Variants in MYO7B observed in about 807,000 individuals in gnomAD.
MYO7B encodes myosin VIIB, also known as unconventional myosin-VIIb.
MYO7B carries 212 observed loss-of-function variants against 259.7 expected under a neutral mutation model. The observed-to-expected ratio is 0.82, with a 90% CI of 0.73 to 0.91. The LOEUF (loss-of-function observed/expected upper bound fraction) is 0.91. Among genes scored for constraint, MYO7B ranks in the 40% least tolerant of loss-of-function variants. The probability of loss-of-function intolerance (pLI) is 0.00; values close to 1 mark genes in which losing one functional copy is unlikely to be tolerated. For missense variants in MYO7B, 2,732 were observed against 2,813.5 expected (o/e 0.97, Z 0.66); for synonymous variants, 1,197 against 1,166.4 (o/e 1.03, Z -0.54).
Position 127,621,253 on chromosome 2 carries a change from ATT to A in MYO7B, c.3526-719_3526-718del, listed in dbSNP as rs11291906. ...TGTTGGGGACATGGACTCTTCTGCA[ATT>A]TTTTTTTTTGTTTTTTTTTTTTTTT... is the stretch of plus-strand genomic sequence containing the variant. On this transcript the variant is annotated intron_variant, in intron 27 of 47. Coordinates refer to ENST00000409816, the MANE Select transcript of MYO7B (RefSeq NM_001393586.1). Among the ~76,000 whole-genome samples, 733 of 136,592 alleles carry A rather than the reference ATT, an allele frequency of 5.4e-3. 6 individuals carry two copies. The highest frequency in any genetic ancestry group is 0.019 in the African/African-American group (692 of 35,790). The allele number at this position is 136,592 out of a possible 152,430, so 89.6% of individuals were successfully genotyped here. A position where few individuals can be genotyped will look rare whatever the true frequency, so the allele number is the denominator to read the frequency against.
rs960460689 is a variant in MYO7B, at chr2:127,577,127, C to T, written c.849+419C>T. On this transcript the variant is annotated intron_variant, in intron 8 of 47. Transcript: ENST00000409816. This position sits in a 1 kb window ranked among gnomAD's most constrained non-coding sequence, Gnocchi z 5.2. ...AAAGCCCTTCCTGTGCTCCCAGCTG[C>T]ACCCGCCACCTAGGACAGGGCGGCA... Among the ~76,000 whole-genome samples the T allele has an allele frequency of 1.3e-5, 2 of 152,162 alleles. No homozygotes were observed. Among genetic ancestry groups the T allele is most frequent in the African/African-American group, 4.8e-5 (2 of 41,432 alleles).
At chr2:127,617,674 TTGTATTTTTAGTAGAGA>T (rs1045952444) in intron 26 of MYO7B, among the ~76,000 whole-genome samples, 2 of 148,762 alleles carry the variant, frequency 1.3e-5, no homozygotes, top group African/African-American at 5.0e-5. Flanking sequence ...GGCTAATTTT[TTGTATTTTTAGTAGAGA>T]CGGGGTTTCA....
chr2:127,568,106 T>A (rs1417231954), intron 5 of MYO7B, among the ~76,000 whole-genome samples: 2 of 152,142 alleles, frequency 1.3e-5, no homozygotes, highest in Non-Finnish European at 2.9e-5. Flanking sequence ...CCTGTTCCAG[T>A]GGTACACAGC....
intron 1 of MYO7B, among the ~76,000 whole-genome samples, chr2:127,543,924 T>G (rs1693112827): frequency 1.3e-5 from 2 of 152,118 alleles, no homozygotes; most frequent in African/African-American, 4.8e-5. Context: ...TTTTTGTATT[T>G]TTAGTAGAGA....
intron 24 of MYO7B, 88 bp downstream of exon 24, chr2:127,610,104 G>A: frequency 6.6e-7 from 1 of 1,509,692 alleles, no homozygotes; most frequent in Non-Finnish European, 8.9e-7. Context: ...GGACAGGACG[G>A]AGAGACAAGA....
chr2:127,555,605 C>T (rs759924478), intron 1 of MYO7B, among the ~76,000 whole-genome samples: 6 of 152,112 alleles, frequency 3.9e-5, no homozygotes, highest in African/African-American at 9.7e-5. Flanking sequence ...TAACTATTAT[C>T]GTTCAGTTTG....
At chr2:127,564,333 C>T (rs547084537) in intron 3 of MYO7B, 67 bp downstream of exon 3, 13 of 1,299,400 alleles carry the variant, frequency 1.0e-5, no homozygotes, top group African/African-American at 2.9e-5. Flanking sequence ...GAGCCCTCCC[C>T]GCCCTGTGGA....
intron 1 of MYO7B, among the ~76,000 whole-genome samples, chr2:127,550,547 G>T (rs1189435950): frequency 1.9e-5 from 2 of 106,338 alleles, no homozygotes; most frequent in African/African-American, 8.0e-5. Context: ...AACAGATTAA[G>T]ACTCTGTCTC....
Position 127,628,653 on chromosome 2 carries a change from G to A in MYO7B, c.4624+118G>A. 8.7e-7 allele frequency: 1 copy of A among 1,144,940 alleles called. No homozygotes were observed. Among genetic ancestry groups the A allele is most frequent in the South Asian group, 1.5e-5 (1 of 66,074 alleles). The allele number at this position is 1,144,940 out of a possible 1,614,324, so 70.9% of individuals were successfully genotyped here. ...AGCAGCCACAAGGCAAGCAGAGGGA[G>A]GGAAGGCCCCAAAGCTCTGTGGGGG... On this transcript the variant is annotated intron_variant, in intron 34 of 47. Transcript: ENST00000409816. The surrounding 1 kb of genome is among the most constrained non-coding windows in gnomAD (Gnocchi z 4.8).
chr2:127,607,494 G>T lies in MYO7B; in HGVS notation c.2643+70G>T. On this transcript the variant is annotated intron_variant, in intron 21 of 47. Transcript: ENST00000409816. This position sits in a 1 kb window ranked among gnomAD's most constrained non-coding sequence, Gnocchi z 4.4. Reference sequence around the variant, plus strand: ...CCCCAGTGGGTGAGGGCAAGAAGGAGTGAGCGGCTGTGTAGAGAGCTCACC... The same window carrying T: ...CCCCAGTGGGTGAGGGCAAGAAGGATTGAGCGGCTGTGTAGAGAGCTCACC... The T allele has an allele frequency of 7.3e-7, 1 of 1,365,282 alleles. No homozygotes were observed. The allele number at this position is 1,365,282 out of a possible 1,614,324, so 84.6% of individuals were successfully genotyped here.
intron 34 of MYO7B, 139 bp from the exon 35 acceptor site, chr2:127,629,506 C>T (rs979327314): frequency 1.3e-6 from 1 of 770,792 alleles, no homozygotes; most frequent in South Asian, 2.0e-5. Flanking sequence ...CCAGTCCCAC[C>T]ATCGCTCACT....
At position 127,609,521 on chromosome 2, in the gene MYO7B, A is replaced by C; in HGVS notation, c.2830A>C (p.Thr944Pro). The stretch of plus-strand genomic sequence containing the variant: ...ATGGCCGTAGGATCTGGAATCGAAG[A>C]CCCAGAAGCTGCTTGAGGTTGACCT... ...SPHFEDLESK[T>P]QKLLEVDLDT... Residue 944 changes from threonine (T) to proline (P), a missense_variant, in exon 23 of 48, where the codon ACC becomes CCC. Thr to Pro is a conservative substitution (Grantham distance 38, BLOSUM62 -1). Coordinates refer to ENST00000409816, the MANE Select transcript of MYO7B (RefSeq NM_001393586.1). The surrounding 1 kb of genome is among the most constrained non-coding windows in gnomAD (Gnocchi z 6.9). 1 of 1,612,934 alleles carries C rather than the reference A, an allele frequency of 6.2e-7. No individual in the cohort carries two copies. Among genetic ancestry groups the C allele is most frequent in the Non-Finnish European group, 8.5e-7 (1 of 1,179,394 alleles).
chr2:127,616,254 A>G (rs1032932094), intron 26 of MYO7B, among the ~76,000 whole-genome samples: 1 of 152,204 alleles, frequency 6.6e-6, no homozygotes, highest in Non-Finnish European at 1.5e-5. Flanking sequence ...CTCTATTACC[A>G]TGAGAGATCG....
chr2:127,626,832 G>A, intron 31 of MYO7B, 143 bp from the exon 32 acceptor site: 1 of 713,006 alleles, frequency 1.4e-6, no homozygotes, highest in Non-Finnish European at 2.3e-6. Flanking sequence ...CGTCCCAGGT[G>A]CCTCCCTACA....
At chr2:127,542,208 T>C (rs1171458463) in intron 1 of MYO7B, among the ~76,000 whole-genome samples, 2 of 152,188 alleles carry the variant, frequency 1.3e-5, no homozygotes, top group Non-Finnish European at 2.9e-5. Flanking sequence ...CCTGTGGGTG[T>C]TAGACTCCCT....
chr2:127,634,512 G>A lies in MYO7B; in HGVS notation c.5626-84G>A, dbSNP rs907665931. On this transcript the variant is annotated intron_variant, in intron 41 of 47. Coordinates refer to ENST00000409816, the MANE Select transcript of MYO7B (RefSeq NM_001393586.1). ...CCAGCGCAGCACCCAGGCCGTAGGC[G>A]GCCACTGGACCAGAACCCAGCAGGT... The A allele has an allele frequency of 8.2e-5, 103 of 1,255,526 alleles. No homozygotes were observed. In the Admixed American group the frequency reaches 1.0e-3, roughly 12 times the overall value. 77.8% of individuals were successfully genotyped at this position (1,255,526 alleles called of 1,614,324 possible).
At chr2:127,541,972 G>A (rs1382510086) in intron 1 of MYO7B, among the ~76,000 whole-genome samples, 1 of 152,232 alleles carries the variant, frequency 6.6e-6, no homozygotes, top group African/African-American at 2.4e-5. Flanking sequence ...CAGTGGGTTG[G>A]CTGGGCCCTG....
chr2:127,550,561 A>G (rs1455074947), intron 1 of MYO7B, among the ~76,000 whole-genome samples: 1 of 148,434 alleles, frequency 6.7e-6, no homozygotes, highest in Non-Finnish European at 1.5e-5. Flanking sequence ...CTGTCTCCAA[A>G]AAAAAAAAAA....
chr2:127,627,345 C>T lies in MYO7B; in HGVS notation c.4460+35C>T, dbSNP rs749807375. On this transcript the variant is annotated intron_variant, in intron 33 of 47. Coordinates refer to ENST00000409816, the MANE Select transcript of MYO7B (RefSeq NM_001393586.1). The surrounding 1 kb of genome is among the most constrained non-coding windows in gnomAD (Gnocchi z 5.6). ...CTGAGGGAAGATCTCTTCTTACACA[C>T]TGAGTCCTTGTGATGCATCTGGGGG... 2.8e-5 allele frequency: 45 copies of T among 1,606,726 alleles called. No homozygotes were observed. Among genetic ancestry groups the T allele is most frequent in the Non-Finnish European group, 3.7e-5 (43 of 1,176,294 alleles).
Sources: gnomAD v4.1 joint callset for allele counts (sites outside exome capture counted in the v4.1 genomes callset) on GRCh38, gnomAD v4.1.1 for gene constraint, Gnocchi (gnomAD v3.1) non-coding constraint, MANE v1.5 for transcripts, NCBI Gene and HGNC (gene_info 2026-07-23, HGNC 2026-07-21) for gene names.